Variants in ITPKC observed in about 807,000 individuals in gnomAD.
ITPKC encodes inositol-trisphosphate 3-kinase C, also known as IP3 3-kinase C.
A neutral mutation model predicts 67.1 loss-of-function variants in ITPKC; 33 were observed. The ratio of observed to expected loss-of-function variants is 0.49; its 90% CI spans 0.37 to 0.66. ITPKC has a LOEUF of 0.66. Among genes scored for constraint, ITPKC ranks in the 30% least tolerant of loss-of-function variants. ITPKC has a pLI of 0.00. For missense variants in ITPKC, 820 were observed against 892.1 expected, an observed-to-expected ratio of 0.92 and a Z score of 1.03; for synonymous variants, 341 against 359.8, an observed-to-expected ratio of 0.95 and a Z score of 0.59.
At chr19:40,726,298 C>T (rs2144740440) in intron 2 of ITPKC, among the ~76,000 whole-genome samples, 1 of 152,126 alleles carries the variant, frequency 6.6e-6, no homozygotes, top group East Asian at 1.9e-4. Context: ...TCACTCCTTG[C>T]CTTCTCCGCG....
At position 40,717,644 on chromosome 19, in the gene ITPKC, A is replaced by G. The variant is rs780091351; in HGVS notation, c.509A>G (p.His170Arg). The change falls in exon 1 of 7, where the codon CAT (histidine) becomes CGT (arginine). Residue 170 changes from histidine to arginine, a missense_variant. Physicochemically the swap from His to Arg is conservative, Grantham distance 29 (BLOSUM62 0). Transcript: ENST00000263370. ...AGCCCCTGGACACAGCCAGGGGTTC[A>G]TGGGCCCTGGACAGAGCTGGAAACG... ...EASPWTQPGV[H>R]GPWTELETHG... is the part of the protein sequence containing the mutation. The G allele has an allele frequency of 3.1e-6, 5 of 1,614,000 alleles. No homozygotes were observed. In the Admixed American group the frequency reaches 6.7e-5, roughly 22 times the overall value.
intron 2 of ITPKC, among the ~76,000 whole-genome samples, chr19:40,725,643 A>G (rs576080714): frequency 2.6e-5 from 4 of 152,278 alleles, no homozygotes; most frequent in Non-Finnish European, 5.9e-5. Context: ...TGGTGGAGAG[A>G]GGGAGCTTCA....
chr19:40,719,726 A>G (rs1223262405), intron 1 of ITPKC, among the ~76,000 whole-genome samples: 1 of 152,014 alleles, frequency 6.6e-6, no homozygotes, highest in African/African-American at 2.4e-5. Flanking sequence ...CCTGACCTCA[A>G]GTGATCCACC....
Position 40,737,252 on chromosome 19 carries a change from G to A in ITPKC, c.1776+165G>A, listed in dbSNP as rs116691386. Among the ~76,000 whole-genome samples the A allele has an allele frequency of 4.0e-3, 613 of 152,320 alleles. 3 individuals carry two copies. The highest frequency in any genetic ancestry group is 0.014 in the African/African-American group (596 of 41,576). On this transcript the variant is annotated intron_variant, in intron 5 of 6. Transcript: ENST00000263370. ...GGCTTGGCAAGGCTGGCTGGTCCAG[G>A]GGGCCCTGCTCCCAGCTCTGCCGGT...
intron 2 of ITPKC, among the ~76,000 whole-genome samples, chr19:40,727,034 C>T (rs1198525655): frequency 6.6e-6 from 1 of 151,890 alleles, no homozygotes; most frequent in East Asian, 1.9e-4. Flanking sequence ...CGAGTGAGAC[C>T]CTGTCTCAAA....
chr19:40,720,674 C>T (rs1309840947), intron 1 of ITPKC, among the ~76,000 whole-genome samples: 1 of 152,112 alleles, frequency 6.6e-6, no homozygotes, highest in Non-Finnish European at 1.5e-5. Context: ...CCTCCGGTCT[C>T]CAGGCGCCTT....
chr19:40,718,638 A>G (rs1041167815), intron 1 of ITPKC, among the ~76,000 whole-genome samples: 2 of 152,154 alleles, frequency 1.3e-5, no homozygotes, highest in African/African-American at 4.8e-5. Flanking sequence ...ACGGTCTGAC[A>G]TCTGTCTAAT....
chr19:40,723,042 A>G (rs768282172), intron 1 of ITPKC, among the ~76,000 whole-genome samples: 1 of 151,538 alleles, frequency 6.6e-6, no homozygotes, highest in Non-Finnish European at 1.5e-5. Flanking sequence ...GCTCACTGCA[A>G]CCTCTGCCTC....
chr19:40,736,231 A>G (rs1029017425), intron 4 of ITPKC, among the ~76,000 whole-genome samples: 14 of 151,998 alleles, frequency 9.2e-5, no homozygotes, highest in Non-Finnish European at 1.5e-5. Flanking sequence ...CGGAGCTTGC[A>G]GTGAGCCCAG....
rs2082198987 is a variant in ITPKC at position 40,717,895 on chromosome 19, G to C, written c.760G>C (p.Asp254His). Reference protein sequence around the residue: ...PYTDGSQKKQDTEAARKQPGT... With the variant: ...PYTDGSQKKQHTEAARKQPGT... ...TACTGATGGCTCCCAGAAAAAACAGGATACTGAAGCAGCCAGGAAACAGCC... is the reference window on the plus strand; with the variant it reads ...TACTGATGGCTCCCAGAAAAAACAGCATACTGAAGCAGCCAGGAAACAGCC... Residue 254 changes from aspartate to histidine, a missense_variant, in exon 1 of 7, where the codon GAT becomes CAT. By Grantham distance (81) the Asp-to-His change is moderately conservative. Around this residue, in one of 2 missense-constraint regions of ITPKC, gnomAD observed 481 missense variants for 470.1 expected, o/e 1.02. Transcript: ENST00000263370. 2.5e-6 allele frequency: 4 copies of C among 1,614,014 alleles called. No homozygotes were observed. Among genetic ancestry groups the C allele is most frequent in the Non-Finnish European group, 3.4e-6 (4 of 1,180,010 alleles).
chr19:40,721,161 A>G (rs2082220410), intron 1 of ITPKC, among the ~76,000 whole-genome samples: 1 of 151,958 alleles, frequency 6.6e-6, no homozygotes, highest in Non-Finnish European at 1.5e-5. Flanking sequence ...CAAGACACTC[A>G]TGGAGCTCCC....
In ITPKC at chr19:40,736,938, C is replaced by T. The variant is rs758821338; in HGVS notation, c.1675-48C>T. 86 of 1,307,000 alleles carry T rather than the reference C, an allele frequency of 6.6e-5. No individual in the cohort carries two copies. In the East Asian group the frequency reaches 1.2e-3, roughly 19 times the overall value. The allele number at this position is 1,307,000 out of a possible 1,614,324, so 81.0% of individuals were successfully genotyped here. On this transcript the variant is annotated intron_variant, in intron 4 of 6. Transcript: ENST00000263370. ...ATTTGAGGTTGCTGGGTATTGGGTG[C>T]GGGAAGGAAAAGCCCATGACCCTGC...
At chr19:40,733,487 G>T (rs758920648) in intron 4 of ITPKC, 123 bp downstream of exon 4, 1 of 877,852 alleles carries the variant, frequency 1.1e-6, no homozygotes, top group Non-Finnish European at 1.7e-6. Flanking sequence ...CTGGGGCTGG[G>T]GAAGCCCAGC....
rs778673488 is a variant in ITPKC at position 40,729,219 on chromosome 19, G to C, written c.1273G>C (p.Glu425Gln). 1.3e-5 allele frequency: 21 copies of C among 1,614,098 alleles called. No individual in the cohort carries two copies. In the Admixed American group the frequency reaches 3.3e-4, roughly 26 times the overall value. The change falls in exon 3 of 7, where the codon GAG (glutamate) becomes CAG (glutamine). Residue 425 changes from glutamate (E) to glutamine (Q), a missense_variant. Glu to Gln is a conservative substitution (Grantham distance 29). Transcript: ENST00000263370. ...ACCTTTAGGGAACTTCCAGGCAGGA[G>C]AGGATGGTCGGATTCTGAAACGTTT... ...SGHAGNFQAGEDGRILKRFCQ... is the reference protein window; with the variant it reads ...SGHAGNFQAGQDGRILKRFCQ...
At chr19:40,738,718 T>C (rs1406643371) in intron 6 of ITPKC, among the ~76,000 whole-genome samples, 3 of 152,196 alleles carry the variant, frequency 2.0e-5, no homozygotes, top group African/African-American at 7.2e-5. Flanking sequence ...AAGCACTGTC[T>C]TAAGCACTTA....
At position 40,737,040 on chromosome 19, in the gene ITPKC, G is replaced by A. The variant is rs764198346; in HGVS notation, c.1729G>A (p.Val577Met). The change falls in exon 5 of 7, where the codon GTG (valine) becomes ATG (methionine). Residue 577 changes from valine to methionine, a missense_variant. This residue lies in a region of ITPKC where 339 missense variants were observed against 422.0 expected (regional missense o/e 0.80). Transcript: ENST00000263370. ...NFKKTQALEQ[V>M]TKVLEDFVDG... is the part of the protein sequence containing the mutation. ...CAAGAAGACGCAGGCACTGGAGCAG[G>A]TGACAAAAGTGCTGGAGGACTTCGT... The A allele has an allele frequency of 2.4e-5, 38 of 1,592,902 alleles. No individual in the cohort carries two copies. The highest frequency in any genetic ancestry group is 3.3e-5 in the Non-Finnish European group (38 of 1,168,258).
intron 1 of ITPKC, among the ~76,000 whole-genome samples, chr19:40,724,934 A>G (rs2082238931): frequency 6.8e-6 from 1 of 147,576 alleles, no homozygotes; most frequent in South Asian, 2.1e-4. Flanking sequence ...GGTGACAGAG[A>G]CCCTGTCTCA....
intron 2 of ITPKC, 145 bp from the exon 3 acceptor site, chr19:40,729,057 T>TAA: frequency 1.7e-6 from 1 of 600,404 alleles, no homozygotes. Context: ...TTAAAATCAT[T>TAA]AAAAAAAAAG....
At chr19:40,736,057 C>T (rs187820302) in intron 4 of ITPKC, among the ~76,000 whole-genome samples, 147 of 152,244 alleles carry the variant, frequency 9.7e-4, no homozygotes, top group African/African-American at 3.4e-3. Context: ...TTTGGGAGGC[C>T]AAGGCGGGCG....
Sources: gnomAD v4.1 joint callset for allele counts (sites outside exome capture counted in the v4.1 genomes callset) on GRCh38, gnomAD v4.1.1 for gene constraint, gnomAD v4.1.1 regional missense constraint, MANE v1.5 for transcripts, NCBI Gene and HGNC (gene_info 2026-07-23, HGNC 2026-07-21) for gene names.